The following NDUFAF2 variants were observed in gnomAD, a reference collection of about 807,000 sequenced individuals.
NDUFAF2 encodes the protein NADH dehydrogenase [ubiquinone] 1 alpha subcomplex assembly factor 2.
A neutral mutation model predicts 22.8 loss-of-function variants in NDUFAF2; 13 were observed. That is an observed-to-expected ratio of 0.57 (90% CI 0.37 to 0.91). NDUFAF2 has a LOEUF of 0.91. Among genes scored for constraint, NDUFAF2 ranks in the 40% least tolerant of loss-of-function variants. The pLI is 0.01. For missense variants in NDUFAF2, 162 were observed against 195.2 expected, an observed-to-expected ratio of 0.83 and a Z score of 1.01; for synonymous variants, 53 against 64.2, an observed-to-expected ratio of 0.83 and a Z score of 0.84.
chr5:61,147,639 A>G (rs1022122268), intron 3 of NDUFAF2, among the ~76,000 whole-genome samples: 2 of 151,756 alleles, frequency 1.3e-5, no homozygotes, highest in African/African-American at 4.8e-5. Flanking sequence ...AAATTTTTGC[A>G]ATGATGGAAA....
intron 1 of NDUFAF2, among the ~76,000 whole-genome samples, chr5:60,961,488 C>T (rs1207305607): frequency 7.3e-5 from 11 of 150,816 alleles, no homozygotes; most frequent in East Asian, 5.9e-4. Context: ...CCAGCTACTC[C>T]GGAGGCTGAG....
intron 3 of NDUFAF2, among the ~76,000 whole-genome samples, chr5:61,130,214 A>G (rs986714229): frequency 2.6e-5 from 4 of 152,148 alleles, no homozygotes; most frequent in African/African-American, 9.6e-5. Flanking sequence ...GTACTTAAAT[A>G]TGTAACACAA....
intron 1 of NDUFAF2, among the ~76,000 whole-genome samples, chr5:61,029,871 A>G (rs1429530294): frequency 3.3e-5 from 5 of 152,152 alleles, no homozygotes; most frequent in Non-Finnish European, 5.9e-5. Flanking sequence ...TTCTTTTCAC[A>G]GTCACCCGTT....
chr5:61,057,008 T>TG (rs1473809946), intron 1 of NDUFAF2, among the ~76,000 whole-genome samples: 1 of 147,822 alleles, frequency 6.8e-6, no homozygotes, highest in Admixed American at 6.8e-5. Flanking sequence ...GTCTTTCCTT[T>TG]TACTGCTGGT....
chr5:60,974,474 C>A (rs1750875978), intron 1 of NDUFAF2, among the ~76,000 whole-genome samples: 1 of 152,128 alleles, frequency 6.6e-6, no homozygotes, highest in Non-Finnish European at 1.5e-5. Flanking sequence ...TACTCTTTAA[C>A]AAACTTTCTT....
intron 1 of NDUFAF2, among the ~76,000 whole-genome samples, chr5:61,017,064 C>T (rs1751521174): frequency 6.6e-6 from 1 of 152,188 alleles, no homozygotes; most frequent in South Asian, 2.1e-4. Context: ...CAACATTTGC[C>T]TCAAATCAAA....
intron 2 of NDUFAF2, among the ~76,000 whole-genome samples, chr5:61,075,144 G>A (rs1170821657): frequency 1.3e-5 from 2 of 152,104 alleles, no homozygotes; most frequent in Non-Finnish European, 2.9e-5. Flanking sequence ...GGCCTAAAAA[G>A]GTTAGTTAAT....
chr5:61,042,839 T>G (rs1379957118), intron 1 of NDUFAF2, among the ~76,000 whole-genome samples: 1 of 152,180 alleles, frequency 6.6e-6, no homozygotes, highest in African/African-American at 2.4e-5. Context: ...AAATGCATAT[T>G]ACCAGAGGAA....
At chr5:61,041,916 G>A (rs929041215) in intron 1 of NDUFAF2, among the ~76,000 whole-genome samples, 1 of 152,124 alleles carries the variant, frequency 6.6e-6, no homozygotes, top group African/African-American at 2.4e-5. Flanking sequence ...TTGCAGTCAT[G>A]GGCAAACCAG....
intron 1 of NDUFAF2, among the ~76,000 whole-genome samples, chr5:60,959,034 T>G (rs894498685): frequency 6.6e-6 from 1 of 152,056 alleles, no homozygotes; most frequent in Non-Finnish European, 1.5e-5. Flanking sequence ...TTGTTTTAAA[T>G]TATCTCACCT....
intron 3 of NDUFAF2, among the ~76,000 whole-genome samples, chr5:61,134,389 A>G (rs1243338284): frequency 6.6e-6 from 1 of 152,144 alleles, no homozygotes; most frequent in Non-Finnish European, 1.5e-5. Flanking sequence ...ACACAATTTC[A>G]AAATACATTA....
At chr5:61,113,157 C>T (rs147588621) in intron 3 of NDUFAF2, among the ~76,000 whole-genome samples, 126 of 152,166 alleles carry the variant, frequency 8.3e-4, no homozygotes, top group Non-Finnish European at 1.4e-3. Flanking sequence ...TTTAGTCTTT[C>T]TCCTCATCAT....
intron 1 of NDUFAF2, among the ~76,000 whole-genome samples, chr5:60,947,936 T>C (rs1002226302): frequency 1.2e-4 from 18 of 152,190 alleles, no homozygotes; most frequent in Admixed American, 1.2e-3. Flanking sequence ...CACTAATTTG[T>C]ATATTTTCTT....
At chr5:60,952,519 G>A (rs1018508022) in intron 1 of NDUFAF2, among the ~76,000 whole-genome samples, 15 of 151,902 alleles carry the variant, frequency 9.9e-5, no homozygotes, top group African/African-American at 3.6e-4. Flanking sequence ...TTGACTTCTA[G>A]TTTAATTCTA....
chr5:61,074,786 T>C (rs1752346661), intron 2 of NDUFAF2, among the ~76,000 whole-genome samples: 1 of 151,728 alleles, frequency 6.6e-6, no homozygotes, highest in Non-Finnish European at 1.5e-5. Flanking sequence ...AGAAAAGAAA[T>C]ACCTGAAACT....
Position 61,078,823 on chromosome 5 carries a change from A to G in NDUFAF2, c.217+5609A>G, listed in dbSNP as rs567290622. ...AGTACTAACTACTGGGCAATGTTAT[A>G]AAGTTTCAGTGAACCTTGTAAGTTT... On this transcript the variant is annotated intron_variant, in intron 2 of 3. Coordinates refer to ENST00000296597, the MANE Select transcript of NDUFAF2 (RefSeq NM_174889.5). 2.6e-5 allele frequency among the ~76,000 whole-genome samples: 4 copies of G among 152,278 alleles called. No individual in the cohort carries two copies. In the East Asian group the frequency reaches 5.8e-4, roughly 22 times the overall value.
intron 1 of NDUFAF2, among the ~76,000 whole-genome samples, chr5:61,001,349 C>T (rs1477863884): frequency 3.3e-5 from 5 of 152,068 alleles, no homozygotes; most frequent in African/African-American, 4.8e-5. Context: ...ATTGGGAGAA[C>T]GCAATGAATA....
intron 1 of NDUFAF2, among the ~76,000 whole-genome samples, chr5:61,035,423 T>G (rs1017655395): frequency 2.4e-5 from 3 of 125,660 alleles, no homozygotes; most frequent in South Asian, 2.6e-4. Context: ...TCTCTTGCTC[T>G]GTTTTTTTTT....
intron 1 of NDUFAF2, among the ~76,000 whole-genome samples, chr5:61,061,622 G>A (rs997687097): frequency 1.4e-4 from 21 of 152,142 alleles, no homozygotes; most frequent in Non-Finnish European, 2.8e-4. Context: ...CTTAGTGAGA[G>A]AATTGCATTC....
Sources: allele counts gnomAD v4.1 joint callset (sites outside exome capture counted in the v4.1 genomes callset), GRCh38; gene constraint gnomAD v4.1.1; transcripts MANE v1.5; gene names NCBI Gene and HGNC (gene_info 2026-07-23, HGNC 2026-07-21).